The following STEAP1B variants were observed in gnomAD, a reference collection of about 807,000 sequenced individuals.
STEAP1B encodes STEAP family protein MGC87042.
In STEAP1B, 13 loss-of-function variants were observed where a neutral mutation model predicts 27.9. That is an observed-to-expected ratio of 0.47 (90% CI 0.30 to 0.74). The LOEUF is 0.74. Ranked by LOEUF, STEAP1B falls within the 30% of genes least tolerant of loss-of-function variation. The pLI is 0.06. For missense variants in STEAP1B, 250 were observed against 298.7 expected (o/e 0.84, Z 1.20); for synonymous variants, 86 against 107.1 (o/e 0.80, Z 1.22).
At chr7:22,499,818 C>T (rs1320083522) in intron 1 of STEAP1B, among the ~76,000 whole-genome samples, 8 of 152,240 alleles carry the variant, frequency 5.3e-5, no homozygotes, top group Admixed American at 2.6e-4. Context: ...TGAGCACAAA[C>T]TTAATAATCT....
At chr7:22,476,910 G>A (rs1038325414) in intron 4 of STEAP1B, among the ~76,000 whole-genome samples, 3 of 152,160 alleles carry the variant, frequency 2.0e-5, no homozygotes, top group African/African-American at 7.2e-5. Flanking sequence ...TTGTGGCTCA[G>A]TGCCTGAGGG....
chr7:22,478,672 T>C (rs930513938), intron 4 of STEAP1B, among the ~76,000 whole-genome samples: 1 of 152,186 alleles, frequency 6.6e-6, no homozygotes, highest in African/African-American at 2.4e-5. Context: ...CATATAAAAA[T>C]CTTACTTGGG....
chr7:22,462,147 G>C (rs1412880647), intron 4 of STEAP1B, among the ~76,000 whole-genome samples: 1 of 152,044 alleles, frequency 6.6e-6, no homozygotes, highest in South Asian at 2.1e-4. Context: ...GTTTTGATGG[G>C]TTTTTACTCT....
At chr7:22,455,741 A>G (rs1468323797) in intron 4 of STEAP1B, among the ~76,000 whole-genome samples, 2 of 152,228 alleles carry the variant, frequency 1.3e-5, no homozygotes, top group African/African-American at 4.8e-5. Flanking sequence ...TATTTCTCAC[A>G]TATCAATGGT....
At chr7:22,434,051 C>T (rs1463070897) in intron 4 of STEAP1B, among the ~76,000 whole-genome samples, 3 of 152,168 alleles carry the variant, frequency 2.0e-5, no homozygotes, top group African/African-American at 4.8e-5. Context: ...GTTCTAACCA[C>T]GTAAGAAGCA....
intron 4 of STEAP1B, chr7:22,438,400 C>A: frequency 7.2e-7 from 1 of 1,383,278 alleles, no homozygotes; most frequent in Non-Finnish European, 9.6e-7. Flanking sequence ...GGTAGATGTC[C>A]ACTTTGTACT....
At chr7:22,475,806 G>T (rs932379979) in intron 4 of STEAP1B, among the ~76,000 whole-genome samples, 2 of 152,202 alleles carry the variant, frequency 1.3e-5, no homozygotes, top group Non-Finnish European at 2.9e-5. Context: ...CCAGGGACTT[G>T]AGGCCCCAAA....
At chr7:22,494,969 G>C (rs939685529) in intron 1 of STEAP1B, 83 bp from the exon 2 acceptor site, 7 of 680,238 alleles carry the variant, frequency 1.0e-5, no homozygotes, top group Middle Eastern at 3.4e-4. Flanking sequence ...AAATTTACTT[G>C]CTTAAAGACT....
intron 2 of STEAP1B, among the ~76,000 whole-genome samples, chr7:22,494,423 T>G (rs1399738287): frequency 1.5e-5 from 2 of 136,850 alleles, no homozygotes; most frequent in African/African-American, 2.9e-5. Context: ...ATATGGGCAT[T>G]GATGACTTTT....
intron 4 of STEAP1B, among the ~76,000 whole-genome samples, chr7:22,479,484 T>C (rs940369100): frequency 2.0e-5 from 3 of 152,190 alleles, no homozygotes; most frequent in Non-Finnish European, 2.9e-5. Context: ...ATTATCCTTG[T>C]AGAGTAACCT....
chr7:22,461,271 T>G (rs897665587), intron 4 of STEAP1B, among the ~76,000 whole-genome samples: 3 of 152,160 alleles, frequency 2.0e-5, no homozygotes, highest in African/African-American at 7.2e-5. Flanking sequence ...ACTTTTTCTT[T>G]TTTTCTTTTG....
chr7:22,434,983 G>A lies in STEAP1B; in HGVS notation c.763-15147C>T, dbSNP rs183513499. Among the ~76,000 whole-genome samples, 309 of 152,238 alleles carry A rather than the reference G, an allele frequency of 2.0e-3. 6 individuals are homozygous for A. Among genetic ancestry groups the A allele is most frequent in the Non-Finnish European group, 3.1e-4 (21 of 68,014 alleles). ...GTGGAGTAGCTACTAGCCACATGTG[G>A]CCAGAAGTACTTGAAATGTGACTAG... On this transcript the variant is annotated intron_variant, in intron 4 of 4. Transcript: ENST00000678116.
intron 4 of STEAP1B, among the ~76,000 whole-genome samples, chr7:22,453,465 A>T (rs1220768642): frequency 6.6e-6 from 1 of 152,200 alleles, no homozygotes; most frequent in African/African-American, 2.4e-5. Context: ...TGTCGTTGAG[A>T]TGGAAAGGAC....
At chr7:22,470,116 T>C (rs1464940770) in intron 4 of STEAP1B, among the ~76,000 whole-genome samples, 2 of 152,196 alleles carry the variant, frequency 1.3e-5, no homozygotes, top group South Asian at 2.1e-4. Flanking sequence ...GGTTTCTAAA[T>C]ACCATTCTCC....
intron 4 of STEAP1B, among the ~76,000 whole-genome samples, chr7:22,422,588 G>A (rs999455561): frequency 4.0e-5 from 6 of 151,796 alleles, no homozygotes; most frequent in Admixed American, 6.6e-5. Context: ...CCGCCTCCTA[G>A]GTTCAAGTGA....
chr7:22,440,573 T>C (rs1785318501), intron 4 of STEAP1B, among the ~76,000 whole-genome samples: 1 of 152,208 alleles, frequency 6.6e-6, no homozygotes, highest in African/African-American at 2.4e-5. Context: ...TGCTCTTAGC[T>C]TACTAAATAA....
At chr7:22,476,764 C>T (rs1305910203) in intron 4 of STEAP1B, among the ~76,000 whole-genome samples, 2 of 152,166 alleles carry the variant, frequency 1.3e-5, no homozygotes, top group African/African-American at 2.4e-5. Context: ...AGATTCTGAG[C>T]ATGGCTTAAT....
chr7:22,487,122 T>C (rs1005966446), intron 4 of STEAP1B, among the ~76,000 whole-genome samples: 1 of 152,180 alleles, frequency 6.6e-6, no homozygotes, highest in Non-Finnish European at 1.5e-5. Flanking sequence ...TATTTCTTCC[T>C]CAGCCATGTG....
intron 4 of STEAP1B, among the ~76,000 whole-genome samples, chr7:22,430,687 C>A (rs1462753666): frequency 6.6e-6 from 1 of 152,170 alleles, no homozygotes; most frequent in South Asian, 2.1e-4. Context: ...ACCTCAACAG[C>A]CACGTTTTTC....
Sources: allele counts gnomAD v4.1 joint callset (sites outside exome capture counted in the v4.1 genomes callset), GRCh38; gene constraint gnomAD v4.1.1; transcripts MANE v1.5; gene names NCBI Gene and HGNC (gene_info 2026-07-23, HGNC 2026-07-21).